Variants in TMEM63B observed in about 807,000 individuals in gnomAD.
The protein encoded by TMEM63B is transmembrane protein 63B, also known as mechanosensitive cation channel TMEM63B.
TMEM63B carries 23 observed loss-of-function variants against 102.6 expected under a neutral mutation model. The ratio of observed to expected loss-of-function variants is 0.22; its 90% CI spans 0.16 to 0.32. TMEM63B has a LOEUF of 0.32. Ranked by LOEUF, TMEM63B falls within the 10% of genes least tolerant of loss-of-function variation. The pLI, the probability that TMEM63B is intolerant of heterozygous loss-of-function variation, is 1.00. For missense variants in TMEM63B, 628 were observed against 1,095.9 expected, an observed-to-expected ratio of 0.57 and a Z score of 6.03; for synonymous variants, 444 against 437.0, an observed-to-expected ratio of 1.02 and a Z score of -0.20.
Position 44,147,477 on chromosome 6 carries a change from T to C in TMEM63B, c.964T>C (p.Cys322Arg). 6.2e-7 allele frequency: 1 copy of C among 1,614,186 alleles called. No homozygotes were observed. Among genetic ancestry groups the C allele is most frequent in the Non-Finnish European group, 8.5e-7 (1 of 1,180,026 alleles). ...NPKPCGHLCC[C>R]VVRGCEQVEA... is the part of the protein sequence containing the mutation. ...CAAGCCCTGTGGCCACCTCTGCTGC[T>C]GTGTGGTGCGAGGCTGTGAGCAGGT... Residue 322 changes from cysteine to arginine, a missense_variant, in exon 12 of 24, where the codon TGT becomes CGT. Cys to Arg is a radical substitution (Grantham distance 180). Transcript: ENST00000323267.
In TMEM63B at chr6:44,155,052, A is replaced by G; in HGVS notation, c.*169A>G. On this transcript the variant is annotated 3_prime_UTR_variant, in exon 24 of 24. Coordinates refer to ENST00000323267, the MANE Select transcript of TMEM63B (RefSeq NM_018426.3). ...CACTGCTCTCCCCCATGATGGAGGG[A>G]GGGAGCCCCCCAACCTCAGTGAGGA... 1.5e-6 allele frequency: 1 copy of G among 651,906 alleles called. No homozygotes were observed. The highest frequency in any genetic ancestry group is 2.3e-6 in the Non-Finnish European group (1 of 427,002). 40.4% of individuals were successfully genotyped at this position (651,906 alleles called of 1,614,324 possible).
At chr6:44,138,592 G>A in intron 6 of TMEM63B, 75 bp downstream of exon 6, 1 of 1,591,756 alleles carries the variant, frequency 6.3e-7, no homozygotes, top group Non-Finnish European at 8.6e-7. Flanking sequence ...AAATTCAGAA[G>A]CCAGCAGCTT....
chr6:44,140,394 C>T (rs1172469406), intron 9 of TMEM63B, 34 bp downstream of exon 9: 2 of 1,558,768 alleles, frequency 1.3e-6, no homozygotes, highest in Non-Finnish European at 1.8e-6. Context: ...CTGCCCCATC[C>T]CCAGCCTCTT....
chr6:44,143,855 G>A (rs546119553), intron 10 of TMEM63B, among the ~76,000 whole-genome samples: 7 of 152,292 alleles, frequency 4.6e-5, no homozygotes, highest in East Asian at 1.9e-4. Flanking sequence ...CTCTGACAGC[G>A]TGGCATTTGA....
chr6:44,154,782 T>A lies in TMEM63B; in HGVS notation c.2398T>A (p.Ser800Thr). The part of the protein sequence containing the change: ...GSSGDEPPSS[S>T]SQDEELLMPP... ...CTCAGGGGATGAGCCCCCATCATCCTCATCCCAAGATGAGGAGTTGCTGAT... is the reference window on the plus strand; with the variant it reads ...CTCAGGGGATGAGCCCCCATCATCCACATCCCAAGATGAGGAGTTGCTGAT... The change falls in exon 24 of 24, where the codon TCA becomes ACA. Residue 800 changes from serine (S) to threonine (T), a missense_variant. By Grantham distance (58) the Ser-to-Thr change is moderately conservative. Around this residue, in one of 6 missense-constraint regions of TMEM63B, gnomAD observed 129 missense variants for 153.5 expected, o/e 0.84. Coordinates refer to ENST00000323267, the MANE Select transcript of TMEM63B (RefSeq NM_018426.3). 1.2e-6 allele frequency: 2 copies of A among 1,609,950 alleles called. No individual in the cohort carries two copies. The highest frequency in any genetic ancestry group is 1.7e-6 in the Non-Finnish European group (2 of 1,178,914).
intron 3 of TMEM63B, 99 bp downstream of exon 3, chr6:44,135,195 C>A: frequency 6.4e-7 from 1 of 1,565,894 alleles, no homozygotes. Context: ...TTCCCCTTTG[C>A]TGGGGGGATG....
At chr6:44,147,126 G>A (rs993642914) in intron 11 of TMEM63B, among the ~76,000 whole-genome samples, 199 bp downstream of exon 11, 11 of 152,182 alleles carry the variant, frequency 7.2e-5, no homozygotes, top group African/African-American at 2.7e-4. Flanking sequence ...GGGAAGGGGG[G>A]CCCATGGTCC....
chr6:44,144,812 GGT>G (rs1483662773), intron 10 of TMEM63B, among the ~76,000 whole-genome samples: 4 of 151,848 alleles, frequency 2.6e-5, no homozygotes, highest in African/African-American at 9.7e-5. Flanking sequence ...TGCCCAGGCT[GGT>G]CATGAACTCC....
intron 20 of TMEM63B, among the ~76,000 whole-genome samples, chr6:44,153,369 A>G (rs748066816): frequency 6.6e-6 from 1 of 152,228 alleles, no homozygotes; most frequent in African/African-American, 2.4e-5. Flanking sequence ...CCCTTAATTT[A>G]TACGTATCTG....
At position 44,140,330 on chromosome 6, in the gene TMEM63B, C is replaced by T. The variant is rs149188366; in HGVS notation, c.681C>T (p.Thr227=). 1.2e-6 allele frequency: 2 copies of T among 1,613,914 alleles called. No individual in the cohort carries two copies. The highest frequency in any genetic ancestry group is 2.7e-5 in the African/African-American group (2 of 74,898). The change falls in exon 9 of 24, where the codon ACC becomes ACT. Residue 227 remains threonine, a synonymous_variant. Coordinates refer to ENST00000323267, the MANE Select transcript of TMEM63B (RefSeq NM_018426.3). ...LLTVYSMRRH[T]SKMRYKEDDL... ...CCGTCTACAGCATGCGTAGACACAC[C>T]TCCAAGATGCGCTACAAGGAGGATG...
chr6:44,137,449 G>A (rs942866873), intron 5 of TMEM63B, among the ~76,000 whole-genome samples: 2 of 152,144 alleles, frequency 1.3e-5, no homozygotes, highest in African/African-American at 4.8e-5. Context: ...GACTCATACT[G>A]GTAGGTGGCA....
At chr6:44,147,079 G>T in intron 11 of TMEM63B, 152 bp downstream of exon 11, 1 of 962,158 alleles carries the variant, frequency 1.0e-6, no homozygotes, top group Non-Finnish European at 1.6e-6. Context: ...TTCAGCTCTG[G>T]AAAGAGCAAG....
intron 1 of TMEM63B, among the ~76,000 whole-genome samples, chr6:44,132,591 C>A (rs979955057): frequency 6.6e-6 from 1 of 152,180 alleles, no homozygotes; most frequent in Non-Finnish European, 1.5e-5. Flanking sequence ...CTACCTTTAA[C>A]CTCCCATAGT....
chr6:44,153,922 A>G (rs1767394273), intron 21 of TMEM63B, 79 bp downstream of exon 21: 1 of 1,576,984 alleles, frequency 6.3e-7, no homozygotes, highest in Non-Finnish European at 8.6e-7. Context: ...GAGAAGCCGC[A>G]TGGCTGGGGG....
chr6:44,139,046 A>C, intron 6 of TMEM63B: 1 of 247,138 alleles, frequency 4.0e-6, no homozygotes, highest in African/African-American at 2.2e-5. Flanking sequence ...TCCTTCCTTC[A>C]CTTCTGCCTC....
chr6:44,136,371 G>A lies in TMEM63B; in HGVS notation c.301G>A (p.Asp101Asn), dbSNP rs1562118201. The change falls in exon 5 of 24, where the codon GAC becomes AAC. Residue 101 changes from aspartate to asparagine, a missense_variant. Physicochemically the swap from Asp to Asn is conservative, Grantham distance 23 (BLOSUM62 1). This residue lies in a region of TMEM63B where 336 missense variants were observed against 580.3 expected (regional missense o/e 0.58). Transcript: ENST00000323267. ...CAGTGTGGCTTCAGCTATGCACGGG[G>A]ACAGCCATGACCGGTATGAGCGTCT... is the stretch of plus-strand genomic sequence containing the variant. ...QEYVASAMHG[D>N]SHDRYERLTS... is the part of the protein sequence containing the mutation. 6.2e-7 allele frequency: 1 copy of A among 1,614,080 alleles called. No individual in the cohort carries two copies. The highest frequency in any genetic ancestry group is 8.5e-7 in the Non-Finnish European group (1 of 1,180,002).
Position 44,135,226 on chromosome 6 carries a change from TGGGCATGG to T in TMEM63B, c.240-94_240-87del, listed in dbSNP as rs374150256. On this transcript the variant is annotated intron_variant, in intron 3 of 23. Transcript: ENST00000323267. ...GGATGAGAAGGGACTAGCCCCAATG[TGGGCATGG>T]GGGCATGAGGGCCCTAAGTTGGGCC... The T allele has an allele frequency of 9.7e-6, 15 of 1,553,816 alleles. No individual in the cohort carries two copies. In the South Asian group the frequency reaches 1.4e-4, roughly 14 times the overall value.
rs769272487 is a variant in TMEM63B at position 44,140,371 on chromosome 6, C to A, written c.711+11C>A. The A allele has an allele frequency of 1.2e-6, 2 of 1,607,562 alleles. No homozygotes were observed. Among genetic ancestry groups the A allele is most frequent in the South Asian group, 2.2e-5 (2 of 90,836 alleles). ...AAGGAGGATGATCTGGTGCGTGGAG[C>A]AGAGCCCAGGTCCTGCCCCATCCCC... On this transcript the variant is annotated intron_variant, in intron 9 of 23. Transcript: ENST00000323267.
chr6:44,147,687 C>T (rs1448763094), intron 12 of TMEM63B, among the ~76,000 whole-genome samples, 187 bp downstream of exon 12: 1 of 152,188 alleles, frequency 6.6e-6, no homozygotes, highest in Non-Finnish European at 1.5e-5. Context: ...AAAATGTCAG[C>T]CAAAAGGACA....
Sources: allele counts gnomAD v4.1 joint callset (sites outside exome capture counted in the v4.1 genomes callset), GRCh38; gene constraint gnomAD v4.1.1; regional missense constraint gnomAD v4.1.1; transcripts MANE v1.5; gene names NCBI Gene and HGNC (gene_info 2026-07-23, HGNC 2026-07-21).